Variants in DNMT3A observed in about 807,000 individuals in gnomAD.
DNMT3A encodes the protein DNA (cytosine-5)-methyltransferase 3A.
Under a neutral mutation model 117.6 loss-of-function variants are expected in DNMT3A, and 267 were observed. The observed-to-expected ratio is 2.27, with a 90% CI of 2.05 to 2.51. DNMT3A has a LOEUF of 2.51. DNMT3A is among the 30% of genes most tolerant of loss of function. DNMT3A has a pLI of 0.00. For synonymous variants in DNMT3A, 432 were observed against 474.8 expected (o/e 0.91, Z 1.17); for missense variants, 1,029 against 1,260.2 (o/e 0.82, Z 2.78).
rs2033124688 is a variant in DNMT3A, at chr2:25,296,914, T to C, written c.177+3225A>G. Among the ~76,000 whole-genome samples the C allele has an allele frequency of 1.3e-5, 2 of 152,094 alleles. No homozygotes were observed. The highest frequency in any genetic ancestry group is 1.3e-4 in the Admixed American group (2 of 15,270). On this transcript the variant is annotated intron_variant, in intron 3 of 22. Transcript: ENST00000321117. The surrounding 1 kb of genome is among the most constrained non-coding windows in gnomAD (Gnocchi z 4.2). ...CTCACAGCCTCCAGCCAGGGTTTCA[T>C]CTCTTACTTCCCAGTCCCCATCCCT...
Position 25,341,924 on chromosome 2 carries a change from G to GCGCC in DNMT3A, c.-277_-276insGGCG. 13 of 977,016 alleles carry GCGCC rather than the reference G, an allele frequency of 1.3e-5. No individual in the cohort carries two copies. Among genetic ancestry groups the GCGCC allele is most frequent in the Non-Finnish European group, 1.6e-5 (13 of 826,320 alleles). 60.5% of individuals were successfully genotyped at this position (977,016 alleles called of 1,614,324 possible). ...TGCTCTCGCCGCCGCCGCCGCCCGC[G>GCGCC]CGCCCTCCCTCCCTCCCGGCCCGCC... On this transcript the variant is annotated 5_prime_UTR_variant, in exon 1 of 23. Coordinates refer to ENST00000321117, the MANE Select transcript of DNMT3A (RefSeq NM_022552.5).
At chr2:25,246,803 G>A (rs2149303854) in intron 9 of DNMT3A, 27 bp from the exon 10 acceptor site, 1 of 1,610,062 alleles carries the variant, frequency 6.2e-7, no homozygotes, top group East Asian at 2.2e-5. Flanking sequence ...CAGGGTTGGG[G>A]TTGTCAGGAC....
At chr2:25,335,494 C>G (rs2149451229) in intron 1 of DNMT3A, among the ~76,000 whole-genome samples, 1 of 152,330 alleles carries the variant, frequency 6.6e-6, no homozygotes, top group South Asian at 2.1e-4. Context: ...AGCCCACACT[C>G]AACAGCTTAG....
chr2:25,266,747 C>G (rs2030385941), intron 6 of DNMT3A, among the ~76,000 whole-genome samples: 1 of 152,208 alleles, frequency 6.6e-6, no homozygotes, highest in South Asian at 2.1e-4. Context: ...AAAAGCATAA[C>G]AAGATACTAT....
intron 3 of DNMT3A, among the ~76,000 whole-genome samples, chr2:25,295,853 G>A (rs1425519105): frequency 6.6e-6 from 1 of 152,200 alleles, no homozygotes; most frequent in African/African-American, 2.4e-5. Flanking sequence ...GCATAACCAT[G>A]AGCCTTTACT....
chr2:25,312,966 GGAA>G (rs2034199130), intron 2 of DNMT3A, among the ~76,000 whole-genome samples: 2 of 152,080 alleles, frequency 1.3e-5, no homozygotes, highest in African/African-American at 4.8e-5. Context: ...GCTACTCAGG[GGAA>G]GGGGAGCAGG....
chr2:25,254,483 GCAAA>G lies in DNMT3A; in HGVS notation c.640-6235_640-6232del, dbSNP rs1298095298. 3.3e-5 allele frequency among the ~76,000 whole-genome samples: 5 copies of G among 152,092 alleles called. No individual in the cohort carries two copies. The highest frequency in any genetic ancestry group is 2.6e-4 in the Admixed American group (4 of 15,270). ...GGAAAAGAAGCTATTCGAAAAACAAGCAAACAAACAAAAACACAGGCCCTCTTCT... is the reference window on the plus strand; with the variant it reads ...GGAAAAGAAGCTATTCGAAAAACAAGCAAACAAAAACACAGGCCCTCTTCT... On this transcript the variant is annotated intron_variant, in intron 6 of 22. Transcript: ENST00000321117. The surrounding 1 kb of genome is among the most constrained non-coding windows in gnomAD (Gnocchi z 4.7).
At chr2:25,264,796 G>A (rs1352935824) in intron 6 of DNMT3A, among the ~76,000 whole-genome samples, 1 of 152,112 alleles carries the variant, frequency 6.6e-6, no homozygotes, top group African/African-American at 2.4e-5. Context: ...TCACGTATGT[G>A]CCTTTAGAAG....
chr2:25,307,282 G>T (rs1558728802), intron 2 of DNMT3A, among the ~76,000 whole-genome samples: 1 of 152,128 alleles, frequency 6.6e-6, no homozygotes, highest in South Asian at 2.1e-4. Flanking sequence ...AGAGAGGAAA[G>T]GCTCATTTCC....
Position 25,244,282 on chromosome 2 carries a change from GCTGC to G in DNMT3A, c.1720_1723del (p.Ala574ProfsTer76). The G allele has an allele frequency of 6.2e-7, 1 of 1,612,974 alleles. No homozygotes were observed. The highest frequency in any genetic ancestry group is 8.5e-7 in the Non-Finnish European group (1 of 1,179,600). ...GCAGTTCCAGGGGTCTTCCTTAATG[GCTGC>G]CTGGGCAGCCCCCGGCCCCACCAAG... On this transcript the variant is annotated frameshift_variant, in exon 15 of 23. Coordinates refer to ENST00000321117, the MANE Select transcript of DNMT3A (RefSeq NM_022552.5). LOFTEE classifies it high-confidence loss of function.
At position 25,234,185 on chromosome 2, in the gene DNMT3A, C is replaced by G; in HGVS notation, c.*94G>C. On this transcript the variant is annotated 3_prime_UTR_variant, in exon 23 of 23. Transcript: ENST00000321117. The surrounding 1 kb of genome is among the most constrained non-coding windows in gnomAD (Gnocchi z 4.5). ...TTCTCTTCTGGGTGCTGATACTTCT[C>G]TCCATCCTCATGTTCTTGGTGTTTT... 1 of 1,507,192 alleles carries G rather than the reference C, an allele frequency of 6.6e-7. No homozygotes were observed. 93.4% of individuals were successfully genotyped at this position (1,507,192 alleles called of 1,614,324 possible). A position where few individuals can be genotyped will look rare whatever the true frequency, so the allele number is the denominator to read the frequency against.
chr2:25,274,183 C>T (rs139496624), intron 6 of DNMT3A, among the ~76,000 whole-genome samples: 39 of 152,300 alleles, frequency 2.6e-4, no homozygotes, highest in Non-Finnish European at 5.3e-4. Context: ...GTGTTCAGGC[C>T]AGACCCCTGT....
intron 22 of DNMT3A, 46 bp downstream of exon 22, chr2:25,235,661 A>C (rs758339764): frequency 1.3e-6 from 2 of 1,507,162 alleles, no homozygotes; most frequent in South Asian, 2.3e-5. Flanking sequence ...AAGCACAGCA[A>C]TCAGAACAGC....
intron 2 of DNMT3A, among the ~76,000 whole-genome samples, chr2:25,300,701 C>A (rs13009308): frequency 0.01 from 297 of 28,708 alleles, 20 homozygotes; most frequent in African/African-American, 0.029. Context: ...ATTTATATAT[C>A]TAAATAATAT....
At chr2:25,299,631 C>A (rs556334277) in intron 3 of DNMT3A, among the ~76,000 whole-genome samples, 1 of 152,264 alleles carries the variant, frequency 6.6e-6, no homozygotes, top group East Asian at 1.9e-4. Flanking sequence ...CTTCTCTATG[C>A]AGAAAACAGG....
intron 1 of DNMT3A, among the ~76,000 whole-genome samples, chr2:25,325,075 T>C (rs2034734457): frequency 6.6e-6 from 1 of 151,780 alleles, no homozygotes; most frequent in South Asian, 2.1e-4. Flanking sequence ...GGCGGCCACA[T>C]GGGAGTCTGA....
chr2:25,258,403 G>T (rs926702925), intron 6 of DNMT3A, among the ~76,000 whole-genome samples: 2 of 152,184 alleles, frequency 1.3e-5, no homozygotes, highest in Non-Finnish European at 2.9e-5. Flanking sequence ...ACCTGTAAGC[G>T]AATTGTGCTT....
At chr2:25,321,811 AG>A (rs1197461790) in intron 1 of DNMT3A, among the ~76,000 whole-genome samples, 2 of 152,206 alleles carry the variant, frequency 1.3e-5, no homozygotes, top group African/African-American at 4.8e-5. Flanking sequence ...GCTCGAGCCC[AG>A]GAGGTCGAGG....
intron 6 of DNMT3A, among the ~76,000 whole-genome samples, chr2:25,268,125 G>C (rs914321859): frequency 5.3e-5 from 8 of 152,284 alleles, no homozygotes; most frequent in African/African-American, 1.9e-4. Flanking sequence ...AGTGTGGCGA[G>C]GGAAGGGAGG....
Sources: allele counts gnomAD v4.1 joint callset (sites outside exome capture counted in the v4.1 genomes callset), GRCh38; gene constraint gnomAD v4.1.1; non-coding constraint Gnocchi (gnomAD v3.1); transcripts MANE v1.5; gene names NCBI Gene and HGNC (gene_info 2026-07-23, HGNC 2026-07-21).